ATP11A: variants seen among roughly 807,000 people sequenced by gnomAD.
The protein encoded by ATP11A is phospholipid-transporting ATPase IH.
In ATP11A, 81 loss-of-function variants were observed where a neutral mutation model predicts 154.4. The ratio of observed to expected loss-of-function variants is 0.52; its 90% CI spans 0.44 to 0.63. The LOEUF (loss-of-function observed/expected upper bound fraction) is 0.63, where lower values mean the gene tolerates loss of function less well. Ranked by LOEUF, ATP11A falls within the 30% of genes least tolerant of loss-of-function variation. The pLI, the probability that ATP11A is intolerant of heterozygous loss-of-function variation, is 0.00. For synonymous variants in ATP11A, 623 were observed against 585.9 expected (o/e 1.06, Z -0.91); for missense variants, 1,316 against 1,474.3 (o/e 0.89, Z 1.76).
At chr13:112,814,133 G>A (rs1018062801) in intron 5 of ATP11A, among the ~76,000 whole-genome samples, 13 of 151,526 alleles carry the variant, frequency 8.6e-5, no homozygotes, top group African/African-American at 2.4e-4. Context: ...GCGCAATCTC[G>A]GCTCACTGCC....
At chr13:112,881,207 C>T (rs1483327615) in intron 29 of ATP11A, 3 of 989,654 alleles carry the variant, frequency 3.0e-6, no homozygotes, top group Non-Finnish European at 3.6e-6. Context: ...CAGATGCGTG[C>T]TGCCGGCCTC....
chr13:112,787,300 G>A (rs1414974276), intron 2 of ATP11A, among the ~76,000 whole-genome samples: 7 of 91,380 alleles, frequency 7.7e-5, no homozygotes, highest in African/African-American at 3.6e-4. Context: ...AATTCACACC[G>A]GGTGTCCTGA....
rs1049061733 is a variant in ATP11A, at chr13:112,746,335, C to T, written c.40-38800C>T. 2 of 152,132 alleles carry T rather than the reference C, an allele frequency of 1.3e-5. No homozygotes were observed. The highest frequency in any genetic ancestry group is 2.9e-5 in the Non-Finnish European group (2 of 68,052). 9.4% of individuals were successfully genotyped at this position (152,132 alleles called of 1,614,324 possible). ...GGGCTCCGGTTCCCCACGTCCTCAC[C>T]GGGTAACTGGGGTTCCGGCTCCCCA... is the stretch of plus-strand genomic sequence containing the variant. On this transcript the variant is annotated intron_variant, in intron 1 of 29. Transcript: ENST00000375645. This position sits in a 1 kb window ranked among gnomAD's most constrained non-coding sequence, Gnocchi z 4.1.
At chr13:112,824,722 T>C (rs749834824) in intron 10 of ATP11A, among the ~76,000 whole-genome samples, 4 of 152,226 alleles carry the variant, frequency 2.6e-5, no homozygotes, top group Non-Finnish European at 5.9e-5. Flanking sequence ...TCTCACCATT[T>C]CATGAAAAAC....
chr13:112,832,085 ACT>A (rs1461718509), intron 13 of ATP11A, among the ~76,000 whole-genome samples: 21 of 151,742 alleles, frequency 1.4e-4, no homozygotes, highest in African/African-American at 4.4e-4. Flanking sequence ...ACACACACGT[ACT>A]CTCACACACG....
chr13:112,840,276 C>T (rs2079366803), intron 16 of ATP11A, among the ~76,000 whole-genome samples: 1 of 111,716 alleles, frequency 9.0e-6, no homozygotes, highest in Non-Finnish European at 1.9e-5. Flanking sequence ...CCTCCAGCCT[C>T]AGCCTCCCCA....
chr13:112,729,701 G>A (rs1054905452), intron 1 of ATP11A, among the ~76,000 whole-genome samples: 21 of 152,252 alleles, frequency 1.4e-4, no homozygotes, highest in Admixed American at 9.8e-4. Context: ...TATTTTTAGC[G>A]TCCTGCTATC....
intron 27 of ATP11A, among the ~76,000 whole-genome samples, chr13:112,874,156 G>T (rs958451949): frequency 6.6e-6 from 1 of 152,202 alleles, no homozygotes; most frequent in Admixed American, 6.5e-5. Flanking sequence ...GCATGGTGGG[G>T]CTGGACCTTG....
At chr13:112,818,170 CA>C (rs2078695682) in intron 6 of ATP11A, among the ~76,000 whole-genome samples, 2 of 149,806 alleles carry the variant, frequency 1.3e-5, no homozygotes, top group Admixed American at 1.3e-4. Context: ...CGCTTGGTGA[CA>C]GGGCGGTGAC....
chr13:112,862,311 T>TTGATGTTTAC, intron 24 of ATP11A, 129 bp from the exon 25 acceptor site: 1 of 1,128,306 alleles, frequency 8.9e-7, no homozygotes, highest in Non-Finnish European at 1.2e-6. Flanking sequence ...GAGCACAAAC[T>TTGATGTTTAC]TGATGTTTAC....
In ATP11A at chr13:112,831,362, G is replaced by A. The variant is rs745767490; in HGVS notation, c.1222-13G>A. ...CCCTCAGAGCGCCCTGACTTGCTGTGCCCTGCCCGCAGGTGGAGTACATCT... is the reference window on the plus strand; with the variant it reads ...CCCTCAGAGCGCCCTGACTTGCTGTACCCTGCCCGCAGGTGGAGTACATCT... On this transcript the variant is annotated splice_polypyrimidine_tract_variant and intron_variant, in intron 12 of 29. Transcript: ENST00000375645. The A allele has an allele frequency of 1.2e-6, 2 of 1,612,270 alleles. No homozygotes were observed. The highest frequency in any genetic ancestry group is 3.3e-5 in the Admixed American group (2 of 59,990).
chr13:112,694,057 A>AG (rs2139446781), intron 1 of ATP11A, among the ~76,000 whole-genome samples: 1 of 152,322 alleles, frequency 6.6e-6, no homozygotes, highest in East Asian at 1.9e-4. Flanking sequence ...AAGTTCCGAG[A>AG]GGAACCAGGG....
intron 1 of ATP11A, among the ~76,000 whole-genome samples, chr13:112,691,732 G>A (rs1388092262): frequency 1.3e-5 from 2 of 152,150 alleles, no homozygotes; most frequent in Admixed American, 1.3e-4. Flanking sequence ...TCTTTAAATA[G>A]GAGACCTTGG....
In ATP11A at chr13:112,754,265, C is replaced by T. The variant is rs978922474; in HGVS notation, c.40-30870C>T. On this transcript the variant is annotated intron_variant, in intron 1 of 29. Transcript: ENST00000375645. This position sits in a 1 kb window ranked among gnomAD's most constrained non-coding sequence, Gnocchi z 5.3. ...GGTTCTCACTGGCGGGACTGTTCAC[C>T]TCTGCAATCTGCCCCTTAGTGCCTC... Among the ~76,000 whole-genome samples the T allele has an allele frequency of 4.6e-5, 7 of 152,316 alleles. No homozygotes were observed. Among genetic ancestry groups the T allele is most frequent in the Admixed American group, 1.3e-4 (2 of 15,310 alleles).
At chr13:112,820,313 GA>G (rs529246804) in intron 8 of ATP11A, among the ~76,000 whole-genome samples, 351 of 152,356 alleles carry the variant, frequency 2.3e-3, no homozygotes, top group African/African-American at 8.0e-3. Context: ...CTTCAGATAT[GA>G]AATTGAAAGA....
intron 1 of ATP11A, among the ~76,000 whole-genome samples, chr13:112,742,259 G>T (rs1206160453): frequency 6.6e-6 from 1 of 152,198 alleles, no homozygotes; most frequent in Non-Finnish European, 1.5e-5. Flanking sequence ...GGGAAATGCA[G>T]CATGGGAACC....
chr13:112,842,002 C>T (rs939579913), intron 16 of ATP11A, among the ~76,000 whole-genome samples: 31 of 152,176 alleles, frequency 2.0e-4, no homozygotes, highest in Non-Finnish European at 1.3e-4. Context: ...CGTGTCTTTC[C>T]CAGAGAAAAA....
At chr13:112,853,380 A>G (rs745916708) in intron 18 of ATP11A, among the ~76,000 whole-genome samples, 2 of 152,028 alleles carry the variant, frequency 1.3e-5, no homozygotes, top group Non-Finnish European at 2.9e-5. Flanking sequence ...TGATCTTGAG[A>G]CTTTTAGCTA....
At chr13:112,739,044 T>C (rs1198866063) in intron 1 of ATP11A, among the ~76,000 whole-genome samples, 1 of 152,194 alleles carries the variant, frequency 6.6e-6, no homozygotes, top group African/African-American at 2.4e-5. Context: ...GGACAAATCA[T>C]GGTGACCTTG....
Sources: allele counts gnomAD v4.1 joint callset (sites outside exome capture counted in the v4.1 genomes callset), GRCh38; gene constraint gnomAD v4.1.1; non-coding constraint Gnocchi (gnomAD v3.1); transcripts MANE v1.5; gene names NCBI Gene and HGNC (gene_info 2026-07-23, HGNC 2026-07-21).